EGLN1: variants seen among roughly 807,000 people sequenced by gnomAD.
The protein encoded by EGLN1 is egl nine homolog 1.
EGLN1 carries 17 observed loss-of-function variants against 38.3 expected under a neutral mutation model. The observed-to-expected ratio is 0.44, with a 90% CI of 0.30 to 0.67. The LOEUF (loss-of-function observed/expected upper bound fraction) is 0.67. EGLN1 is among the 30% of genes least tolerant of loss of function. EGLN1 has a pLI of 0.08. For missense variants in EGLN1, 477 were observed against 603.3 expected, an observed-to-expected ratio of 0.79 and a Z score of 2.19; for synonymous variants, 283 against 257.5, an observed-to-expected ratio of 1.10 and a Z score of -0.95.
intron 3 of EGLN1, chr1:231,369,640 G>A (rs1180435789): frequency 1.9e-5 from 18 of 968,466 alleles, no homozygotes; most frequent in Non-Finnish European, 2.1e-5. Flanking sequence ...CAGAAGGCAG[G>A]AAGAAAAAAG....
intron 1 of EGLN1, among the ~76,000 whole-genome samples, chr1:231,407,627 AG>A (rs1688831204): frequency 6.6e-6 from 1 of 152,150 alleles, no homozygotes; most frequent in African/African-American, 2.4e-5. Flanking sequence ...CACCATTGGT[AG>A]GGGTGAGGGA....
intron 1 of EGLN1, among the ~76,000 whole-genome samples, chr1:231,403,767 C>CAAAAAAA (rs1167705317): frequency 2.2e-4 from 4 of 18,290 alleles, no homozygotes; most frequent in Admixed American, 5.5e-4. Context: ...GACTCCATCT[C>CAAAAAAA]AAAAAAAAAA....
chr1:231,387,187 T>C (rs1462195806), intron 1 of EGLN1, among the ~76,000 whole-genome samples: 5 of 150,338 alleles, frequency 3.3e-5, no homozygotes, highest in East Asian at 3.9e-4. Context: ...GTTTGACAAC[T>C]TGCCATTTGC....
intron 1 of EGLN1, among the ~76,000 whole-genome samples, chr1:231,399,165 T>C (rs1688604439): frequency 6.6e-6 from 1 of 152,192 alleles, no homozygotes; most frequent in African/African-American, 2.4e-5. Flanking sequence ...ATGAGATCAA[T>C]AAGCTAGAAA....
rs1020805481 is a variant in EGLN1, at chr1:231,393,179, A to C, written c.892-19080T>G. ...TATAGAAAAGAAAAGCTGAGAGATCAAGTTTTGATAATATTGTTTGAGCCC... is the reference window on the plus strand; with the variant it reads ...TATAGAAAAGAAAAGCTGAGAGATCCAGTTTTGATAATATTGTTTGAGCCC... On this transcript the variant is annotated intron_variant, in intron 1 of 4. Coordinates refer to ENST00000366641, the MANE Select transcript of EGLN1 (RefSeq NM_022051.3). Among the ~76,000 whole-genome samples, 12 of 152,300 alleles carry C rather than the reference A, an allele frequency of 7.9e-5. No homozygotes were observed. The East Asian group carries it at 2.1e-3, about 27-fold the overall frequency.
At chr1:231,388,957 G>C (rs1010163788) in intron 1 of EGLN1, among the ~76,000 whole-genome samples, 1 of 152,002 alleles carries the variant, frequency 6.6e-6, no homozygotes, top group Non-Finnish European at 1.5e-5. Context: ...GCCCAGCCTA[G>C]CTAGTCTATA....
intron 1 of EGLN1, among the ~76,000 whole-genome samples, chr1:231,402,322 GT>G (rs1688682638): frequency 2.0e-5 from 2 of 101,648 alleles, no homozygotes; most frequent in Non-Finnish European, 5.1e-5. Context: ...TAATTTATCA[GT>G]GTTTTTCTTT....
chr1:231,393,912 C>T (rs1688453672), intron 1 of EGLN1, among the ~76,000 whole-genome samples: 1 of 152,182 alleles, frequency 6.6e-6, no homozygotes, highest in African/African-American at 2.4e-5. Flanking sequence ...AGTCACAAAG[C>T]CCTGTTAAAT....
chr1:231,378,111 G>A (rs1688001930), intron 1 of EGLN1, among the ~76,000 whole-genome samples: 1 of 152,220 alleles, frequency 6.6e-6, no homozygotes, highest in Non-Finnish European at 1.5e-5. Flanking sequence ...GAAAAATGAG[G>A]AGAAAGGAAG....
chr1:231,419,861 C>G (rs1005350394), intron 1 of EGLN1, among the ~76,000 whole-genome samples: 3 of 152,164 alleles, frequency 2.0e-5, no homozygotes, highest in Non-Finnish European at 4.4e-5. Flanking sequence ...GATGATCTGA[C>G]ACACACATAC....
At chr1:231,400,078 A>C (rs986801574) in intron 1 of EGLN1, among the ~76,000 whole-genome samples, 1 of 152,106 alleles carries the variant, frequency 6.6e-6, no homozygotes, top group African/African-American at 2.4e-5. Context: ...ATATAAACCA[A>C]TTTGGGGTAT....
At chr1:231,419,788 T>C (rs190201692) in intron 1 of EGLN1, among the ~76,000 whole-genome samples, 8 of 152,364 alleles carry the variant, frequency 5.3e-5, no homozygotes, top group Non-Finnish European at 1.0e-4. Context: ...TTTATAACTT[T>C]CTCACTGCCT....
At chr1:231,388,953 CCTAG>C (rs1311845211) in intron 1 of EGLN1, among the ~76,000 whole-genome samples, 3 of 152,088 alleles carry the variant, frequency 2.0e-5, no homozygotes, top group Non-Finnish European at 2.9e-5. Flanking sequence ...CCGCGCCCAG[CCTAG>C]CTAGTCTATA....
At chr1:231,390,650 C>T (rs969839302) in intron 1 of EGLN1, among the ~76,000 whole-genome samples, 1 of 152,138 alleles carries the variant, frequency 6.6e-6, no homozygotes, top group African/African-American at 2.4e-5. Flanking sequence ...TAGTAAAATG[C>T]CTGATAGATT....
chr1:231,415,324 T>C (rs180843322), intron 1 of EGLN1, among the ~76,000 whole-genome samples: 142 of 151,140 alleles, frequency 9.4e-4, no homozygotes, highest in African/African-American at 3.3e-3. Flanking sequence ...AGTAGAAATA[T>C]GTATAAAGTT....
At chr1:231,371,136 C>T (rs891660461) in intron 2 of EGLN1, among the ~76,000 whole-genome samples, 6 of 152,250 alleles carry the variant, frequency 3.9e-5, no homozygotes, top group African/African-American at 1.4e-4. Context: ...GTGATCTGCC[C>T]ACCTCGGCCT....
At chr1:231,368,916 C>A (rs1399520814) in intron 3 of EGLN1, among the ~76,000 whole-genome samples, 1 of 151,978 alleles carries the variant, frequency 6.6e-6, no homozygotes, top group African/African-American at 2.4e-5. Flanking sequence ...CATGTGGCTT[C>A]TTCTACTTTT....
intron 1 of EGLN1, among the ~76,000 whole-genome samples, chr1:231,418,079 A>G (rs999785487): frequency 8.9e-5 from 13 of 146,578 alleles, no homozygotes; most frequent in South Asian, 2.2e-4. Flanking sequence ...TTTGCTGCAT[A>G]TAACTTTTAA....
chr1:231,387,613 C>T (rs1688255396), intron 1 of EGLN1, among the ~76,000 whole-genome samples: 1 of 152,146 alleles, frequency 6.6e-6, no homozygotes, highest in Admixed American at 6.5e-5. Flanking sequence ...CCCGCCTCGG[C>T]CTCCCAAAGT....
Sources: allele counts gnomAD v4.1 joint callset (sites outside exome capture counted in the v4.1 genomes callset), GRCh38; gene constraint gnomAD v4.1.1; transcripts MANE v1.5; gene names NCBI Gene and HGNC (gene_info 2026-07-23, HGNC 2026-07-21).